PRRG3: variants seen among roughly 807,000 people sequenced by gnomAD.
PRRG3 encodes the protein proline rich and Gla domain 3.
PRRG3 carries 21 observed loss-of-function variants against 15.8 expected under a neutral mutation model. The observed-to-expected ratio is 1.33, with a 90% confidence interval of 0.94 to 1.92. PRRG3 has a LOEUF of 1.92. Ranked by LOEUF, PRRG3 falls within the 40% of genes most tolerant of loss-of-function variation. The pLI, the probability that PRRG3 is intolerant of heterozygous loss-of-function variation, is 0.00. For missense variants in PRRG3, 251 were observed against 200.2 expected (o/e 1.25, Z -1.53); for synonymous variants, 125 against 84.1 (o/e 1.49, Z -2.66).
chrX:151,696,676 CAA>C (rs2014765651), intron 1 of PRRG3, among the ~76,000 whole-genome samples: 1 of 111,219 alleles, frequency 9.0e-6, no homozygotes, highest in Admixed American at 9.6e-5. Context: ...AACCCAGATA[CAA>C]CAGCTCCATT....
rs907675464 is a variant in PRRG3, at chrX:151,704,702, G to A, written c.*3669G>A. 8.9e-6 allele frequency: 1 copy of A among 111,801 alleles called. No homozygotes were observed. Among genetic ancestry groups the A allele is most frequent in the African/African-American group, 3.3e-5 (1 of 30,497 alleles). The allele number at this position is 111,801 out of a possible 1,213,427, so 9.2% of individuals were successfully genotyped here. ...TCTTGGCAGCAGAGCTGCTGGTCTA[G>A]GTGGCTTTTCAGCTTGACAAGTAAT... On this transcript the variant is annotated 3_prime_UTR_variant, in exon 4 of 4. Transcript: ENST00000674457.
chrX:151,700,913 C>G lies in PRRG3; in HGVS notation c.576C>G (p.Pro192=), dbSNP rs776037928. ...GACTGTCCAGCACCACCCCTCCCCC[C>G]TCCTACGAGGAGGTGACTGCGCCCC... ...LSRLSSTTPP[P]SYEEVTAPQE... Residue 192 remains proline (P), a synonymous_variant, in exon 4 of 4, where the codon CCC becomes CCG. Coordinates refer to ENST00000674457, the MANE Select transcript of PRRG3 (RefSeq NM_001372163.1). 3 of 1,210,932 alleles carry G rather than the reference C, an allele frequency of 2.5e-6. No individual in the cohort carries two copies. The highest frequency in any genetic ancestry group is 3.0e-5 in the East Asian group (1 of 33,801).
intron 1 of PRRG3, among the ~76,000 whole-genome samples, chrX:151,697,144 C>CTCCG (rs2124337975): frequency 1.1e-5 from 1 of 93,823 alleles, no homozygotes; most frequent in East Asian, 3.6e-4. Context: ...CCCTCCCTCT[C>CTCCG]TCCCTCTCTC....
chrX:151,705,676 G>A lies in PRRG3; in HGVS notation c.*4643G>A, dbSNP rs181257782. On this transcript the variant is annotated 3_prime_UTR_variant, in exon 4 of 4. Coordinates refer to ENST00000674457, the MANE Select transcript of PRRG3 (RefSeq NM_001372163.1). ...AACTGAGCTTATAGAAATAATTACT[G>A]TGAAATGGATTAATTTTGATACCAC... The A allele has an allele frequency of 1.6e-3, 276 of 169,874 alleles. 2 individuals are homozygous for A. The highest frequency in any genetic ancestry group is 7.5e-3 in the African/African-American group (247 of 33,109). 14.0% of individuals were successfully genotyped at this position (169,874 alleles called of 1,213,427 possible).
In PRRG3 at chrX:151,702,670, TTGG is replaced by T. The variant is rs2014905415; in HGVS notation, c.*1638_*1640del. Reference sequence around the variant, plus strand: ...TATGCCTCTGATGTTGAGTCTCCACTTGGAGAGTCAATCTCCCGTCAGTTGACC... The same window carrying T: ...TATGCCTCTGATGTTGAGTCTCCACTAGAGTCAATCTCCCGTCAGTTGACC... On this transcript the variant is annotated 3_prime_UTR_variant, in exon 4 of 4. Transcript: ENST00000674457. 1 of 112,534 alleles carries T rather than the reference TTGG, an allele frequency of 8.9e-6. No individual in the cohort carries two copies. Among genetic ancestry groups the T allele is most frequent in the Non-Finnish European group, 1.9e-5 (1 of 53,300 alleles). 9.3% of individuals were successfully genotyped at this position (112,534 alleles called of 1,213,427 possible).
Position 151,705,394 on chromosome X carries a change from C to G in PRRG3, c.*4361C>G, listed in dbSNP as rs148029946. 571 of 341,254 alleles carry G rather than the reference C, an allele frequency of 1.7e-3. 4 individuals carry two copies. The highest frequency in any genetic ancestry group is 0.014 in the African/African-American group (513 of 37,653). 28.1% of individuals were successfully genotyped at this position (341,254 alleles called of 1,213,427 possible). A position where few individuals can be genotyped will look rare whatever the true frequency, so the allele number is the denominator to read the frequency against. On this transcript the variant is annotated 3_prime_UTR_variant, in exon 4 of 4. Coordinates refer to ENST00000674457, the MANE Select transcript of PRRG3 (RefSeq NM_001372163.1). Reference sequence around the variant, plus strand: ...CAAGAATTTATCTGACAAACATACCCAAATAGCACACCCTCTCAAGCTCAA... The same window carrying G: ...CAAGAATTTATCTGACAAACATACCGAAATAGCACACCCTCTCAAGCTCAA...
rs756873227 is a variant in PRRG3, at chrX:151,703,033, C to G, written c.*2000C>G. 2 of 112,748 alleles carry G rather than the reference C, an allele frequency of 1.8e-5. No homozygotes were observed. The highest frequency in any genetic ancestry group is 3.8e-5 in the Non-Finnish European group (2 of 53,329). 9.3% of individuals were successfully genotyped at this position (112,748 alleles called of 1,213,427 possible). A position where few individuals can be genotyped will look rare whatever the true frequency, so the allele number is the denominator to read the frequency against. ...AGAGCCAGGCATGAGCTCCACTGAT[C>G]AGAGCCAAAGGGAGTTTGCCAAGAA... is the stretch of plus-strand genomic sequence containing the variant. On this transcript the variant is annotated 3_prime_UTR_variant, in exon 4 of 4. Transcript: ENST00000674457.
upstream of PRRG3, among the ~76,000 whole-genome samples, chrX:151,694,609 T>A (rs1179110354): frequency 8.9e-6 from 1 of 112,146 alleles, no homozygotes; most frequent in Non-Finnish European, 1.9e-5. Context: ...GGTCACCCAG[T>A]CATTGGCGGA....
chrX:151,700,191 G>A, intron 3 of PRRG3, 35 bp downstream of exon 3: 1 of 1,211,600 alleles, frequency 8.3e-7, no homozygotes, highest in Non-Finnish European at 1.1e-6. Context: ...CTGGGAGTAG[G>A]AGTAGCCTCA....
chrX:151,697,003 CTCTT>C (rs1218113526), intron 1 of PRRG3, among the ~76,000 whole-genome samples: 18 of 107,692 alleles, frequency 1.7e-4, no homozygotes, highest in South Asian at 8.2e-4. Flanking sequence ...CTTTCTTTCT[CTCTT>C]TCTTTCTTTC....
At chrX:151,697,353 G>A (rs968360658) in intron 1 of PRRG3, among the ~76,000 whole-genome samples, 5 of 109,826 alleles carry the variant, frequency 4.6e-5, no homozygotes, top group African/African-American at 1.7e-4. Context: ...GTAGAGATGG[G>A]GTTTCACCAT....
chrX:151,697,098 C>CCTTCCTT (rs1569421537), intron 1 of PRRG3, among the ~76,000 whole-genome samples: 8 of 41,092 alleles, frequency 1.9e-4, no homozygotes, highest in African/African-American at 1.2e-3. Context: ...CTTCCTTCCT[C>CCTTCCTT]CCTCCCTCCC....
At chrX:151,697,806 A>T (rs1448253588) in intron 1 of PRRG3, among the ~76,000 whole-genome samples, 5 of 109,112 alleles carry the variant, frequency 4.6e-5, no homozygotes, top group African/African-American at 1.7e-4. Context: ...GAATGTGTGT[A>T]TGAGTGGGCG....
chrX:151,700,517 G>A lies in PRRG3; in HGVS notation c.180G>A (p.Trp60Ter). 8.5e-7 allele frequency: 1 copy of A among 1,182,543 alleles called. No individual in the cohort carries two copies. Among genetic ancestry groups the A allele is most frequent in the Non-Finnish European group, 1.1e-6 (1 of 878,261 alleles). ...TTTTTCTTTTGCAGATGGAGTTCTGGAAAGGGTACCCAAATGCAGTCTACT... is the reference window on the plus strand; with the variant it reads ...TTTTTCTTTTGCAGATGGAGTTCTGAAAAGGGTACCCAAATGCAGTCTACT... The part of the protein sequence containing the change: ...FENKEKTMEF[W>*]KGYPNAVYSV... Residue 60 changes from tryptophan (W) to a stop codon, truncating the protein, a stop_gained, in exon 4 of 4, where the codon TGG becomes TGA. Coordinates refer to ENST00000674457, the MANE Select transcript of PRRG3 (RefSeq NM_001372163.1). LOFTEE classifies it high-confidence loss of function.
intron 1 of PRRG3, among the ~76,000 whole-genome samples, chrX:151,696,950 G>GTT (rs1291524946): frequency 9.0e-6 from 1 of 111,518 alleles, no homozygotes; most frequent in East Asian, 2.8e-4. Flanking sequence ...CAGATCTGCT[G>GTT]TTTTACCTTT....
chrX:151,695,362 C>G (rs1274330813), upstream of PRRG3: 1 of 34,291 alleles, frequency 2.9e-5, no homozygotes, highest in Non-Finnish European at 5.7e-5. Flanking sequence ...ACAGGGTGCC[C>G]GGGGCGGTGG....
At position 151,701,647 on chromosome X, in the gene PRRG3, T is replaced by C. The variant is rs1269429170; in HGVS notation, c.*614T>C. 8.9e-6 allele frequency: 1 copy of C among 112,459 alleles called. No individual in the cohort carries two copies. The highest frequency in any genetic ancestry group is 3.7e-4 in the South Asian group (1 of 2,699). 9.3% of individuals were successfully genotyped at this position (112,459 alleles called of 1,213,427 possible). A position where few individuals can be genotyped will look rare whatever the true frequency, so the allele number is the denominator to read the frequency against. ...GGCCAAGGGAAATTTATCACATGGA[T>C]CTGTGATGTCCGCCTCCCCTAAAAC... On this transcript the variant is annotated 3_prime_UTR_variant, in exon 4 of 4. Coordinates refer to ENST00000674457, the MANE Select transcript of PRRG3 (RefSeq NM_001372163.1).
upstream of PRRG3, among the ~76,000 whole-genome samples, chrX:151,694,903 T>G (rs2014728631): frequency 9.0e-6 from 1 of 110,572 alleles, no homozygotes; most frequent in Admixed American, 9.4e-5. Flanking sequence ...AAGGGTCCTC[T>G]GTGTGCCCCA....
Position 151,700,904 on chromosome X carries a change from C to G in PRRG3, c.567C>G (p.Thr189=). The G allele has an allele frequency of 8.3e-7, 1 of 1,210,014 alleles. No individual in the cohort carries two copies. Among genetic ancestry groups the G allele is most frequent in the Non-Finnish European group, 1.1e-6 (1 of 894,768 alleles). Residue 189 remains threonine, a synonymous_variant, in exon 4 of 4, where the codon ACC becomes ACG. Transcript: ENST00000674457. The part of the protein sequence containing the change: ...ELSLSRLSST[T]PPPSYEEVTA... ...CTCTCTCCAGACTGTCCAGCACCAC[C>G]CCTCCCCCCTCCTACGAGGAGGTGA...
Sources: allele counts gnomAD v4.1 joint callset (sites outside exome capture counted in the v4.1 genomes callset), GRCh38; gene constraint gnomAD v4.1.1; transcripts MANE v1.5; gene names NCBI Gene and HGNC (gene_info 2026-07-23, HGNC 2026-07-21).